Variants in HAVCR1 observed in about 807,000 individuals in gnomAD.
HAVCR1 encodes hepatitis A virus cellular receptor 1, also known as T cell immunoglobin domain and mucin domain protein 1.
In HAVCR1, 34 loss-of-function variants were observed where a neutral mutation model predicts 32.0. The ratio of observed to expected loss-of-function variants is 1.06; its 90% CI spans 0.81 to 1.42. The LOEUF is 1.42. HAVCR1 is among the 40% of genes most tolerant of loss of function. The pLI is 0.00. For missense variants in HAVCR1, 420 were observed against 442.3 expected (o/e 0.95, Z 0.45); for synonymous variants, 178 against 170.3 (o/e 1.05, Z -0.35).
At chr5:157,060,218 A>AAAT (rs200229739), upstream of HAVCR1, among the ~76,000 whole-genome samples, 1,819 of 150,794 alleles carry the variant, frequency 0.012, 63 homozygotes, top group East Asian at 0.13. Flanking sequence ...TCTCTCAGAA[A>AAAT]AATAATAATA....
chr5:157,054,822 C>T (rs1756014911), intron 3 of HAVCR1, among the ~76,000 whole-genome samples: 2 of 152,150 alleles, frequency 1.3e-5, no homozygotes, highest in African/African-American at 4.8e-5. Flanking sequence ...ACATTGTATT[C>T]GGTGTTATAA....
intron 8 of HAVCR1, among the ~76,000 whole-genome samples, chr5:157,030,316 C>T (rs1754097352): frequency 6.6e-6 from 1 of 152,140 alleles, no homozygotes; most frequent in African/African-American, 2.4e-5. Context: ...AACAGAGAAA[C>T]ATTGAATATA....
chr5:157,049,616 C>G (rs1052879616), intron 4 of HAVCR1, among the ~76,000 whole-genome samples: 1 of 152,210 alleles, frequency 6.6e-6, no homozygotes, highest in Non-Finnish European at 1.5e-5. Context: ...CAGCCCCATT[C>G]TGGGTTTCCT....
At position 157,035,794 on chromosome 5, in the gene HAVCR1, TA is replaced by T. The variant is rs199662466; in HGVS notation, c.952+1452del. Among the ~76,000 whole-genome samples the T allele has an allele frequency of 2.7e-5, 4 of 149,010 alleles. No individual in the cohort carries two copies. The South Asian group carries it at 6.4e-4, about 24-fold the overall frequency. On this transcript the variant is annotated intron_variant, in intron 7 of 8. Transcript: ENST00000523175. Reference sequence around the variant, plus strand: ...TTTCAACCACTCGCAAATTGAAAATTAAAAAAAAAATAAAAATAATACACAA... The same window carrying T: ...TTTCAACCACTCGCAAATTGAAAATTAAAAAAAAATAAAAATAATACACAA...
At chr5:157,051,601 G>T (rs1308735114) in intron 4 of HAVCR1, among the ~76,000 whole-genome samples, 2 of 151,974 alleles carry the variant, frequency 1.3e-5, no homozygotes, top group African/African-American at 2.4e-5. Flanking sequence ...TGCAATCATG[G>T]CTCACTGTAG....
chr5:157,049,328 A>G (rs545437110), intron 4 of HAVCR1, among the ~76,000 whole-genome samples, 183 bp from the exon 5 acceptor site: 1 of 152,336 alleles, frequency 6.6e-6, no homozygotes, highest in South Asian at 2.1e-4. Flanking sequence ...GGCTCCTCTT[A>G]GAAATGTATT....
chr5:157,033,705 C>T (rs1561579195), intron 7 of HAVCR1, among the ~76,000 whole-genome samples: 2 of 152,084 alleles, frequency 1.3e-5, no homozygotes, highest in Admixed American at 6.5e-5. Context: ...ATTCATCTCC[C>T]CTAAAAATCA....
At chr5:157,049,297 C>T (rs985596701) in intron 4 of HAVCR1, 152 bp from the exon 5 acceptor site, 8 of 639,176 alleles carry the variant, frequency 1.3e-5, no homozygotes, top group Admixed American at 2.6e-5. Flanking sequence ...GGGCTTCTAC[C>T]GACCCACTTC....
rs1334343322 is a variant in HAVCR1 at position 157,052,427 on chromosome 5, G to A, written c.607C>T (p.Pro203Ser). The change falls in exon 4 of 9, where the codon CCA becomes TCA. Residue 203 changes from proline to serine, a missense_variant. Pro to Ser is a moderately conservative substitution (Grantham distance 74). Coordinates refer to ENST00000523175, the MANE Select transcript of HAVCR1 (RefSeq NM_001173393.3). Reference sequence around the variant, plus strand: ...AAGGTAGAGACAGTTGTTGTCACTGGAACACTTGTTGTTGTTGGAATGCTC... The same window carrying A: ...AAGGTAGAGACAGTTGTTGTCACTGAAACACTTGTTGTTGTTGGAATGCTC... ...TTSIPTTTSVPVTTTVSTFVP... is the reference protein window; with the variant it reads ...TTSIPTTTSVSVTTTVSTFVP... 1.2e-6 allele frequency: 2 copies of A among 1,604,290 alleles called. No homozygotes were observed. The highest frequency in any genetic ancestry group is 1.7e-6 in the Non-Finnish European group (2 of 1,177,148).
the HAVCR1 span, among the ~76,000 whole-genome samples, chr5:157,068,497 G>A: frequency 1.3e-5 from 2 of 152,026 alleles, no homozygotes; most frequent in African/African-American, 2.4e-5. Context: ...TGGGGTGGGA[G>A]GATCGCTTGG....
In HAVCR1 at chr5:157,041,481, G is replaced by A. The variant is rs538951112; in HGVS notation, c.837+1146C>T. 8.6e-4 allele frequency among the ~76,000 whole-genome samples: 59 copies of A among 68,932 alleles called. No individual in the cohort carries two copies. In the East Asian group the frequency reaches 0.048, roughly 56 times the overall value. The allele number at this position is 68,932 out of a possible 152,430, so 45.2% of individuals were successfully genotyped here. On this transcript the variant is annotated intron_variant, in intron 6 of 8. Transcript: ENST00000523175. ...CCAGTGCACTCCAGCCTGGGTGACA[G>A]AACAAGACTGTCTCAAAAAATAAAA...
intron 8 of HAVCR1, among the ~76,000 whole-genome samples, chr5:157,030,517 G>A (rs931373477): frequency 2.0e-5 from 3 of 152,000 alleles, no homozygotes; most frequent in Non-Finnish European, 2.9e-5. Flanking sequence ...GCCAGGTGTG[G>A]TGGCTTGTGC....
At position 157,037,351 on chromosome 5, in the gene HAVCR1, A is replaced by C; in HGVS notation, c.848T>G (p.Leu283Arg). 2 of 1,458,988 alleles carry C rather than the reference A, an allele frequency of 1.4e-6. No individual in the cohort carries two copies. The highest frequency in any genetic ancestry group is 1.9e-6 in the Non-Finnish European group (2 of 1,040,548). The allele number at this position is 1,458,988 out of a possible 1,614,324, so 90.4% of individuals were successfully genotyped here. ...ATTGGCCGTCAGTAGACTATGTTCT[A>C]GGAACAGTTGCTGAGGAAACAACAA... Reference protein sequence around the residue: ...LWNNNQTQLFLEHSLLTANTT... With the variant: ...LWNNNQTQLFREHSLLTANTT... Residue 283 changes from leucine (L) to arginine (R), a missense_variant, in exon 7 of 9, where the codon CTA (leucine) becomes CGA (arginine). Leu to Arg is a moderately radical substitution (Grantham distance 102). Transcript: ENST00000523175.
At chr5:157,061,047 G>A (rs138531256), upstream of HAVCR1, among the ~76,000 whole-genome samples, 622 of 152,096 alleles carry the variant, frequency 4.1e-3, 4 homozygotes, top group African/African-American at 0.014. Flanking sequence ...ACAGACACGC[G>A]CCACCATGCC....
chr5:157,047,197 CAG>C (rs1480470740), intron 5 of HAVCR1, among the ~76,000 whole-genome samples: 4 of 152,084 alleles, frequency 2.6e-5, no homozygotes, highest in Admixed American at 2.0e-4. Flanking sequence ...AGACACTTCC[CAG>C]AGAGAGTCCT....
intron 5 of HAVCR1, among the ~76,000 whole-genome samples, chr5:157,048,002 C>T (rs1277058107): frequency 2.0e-5 from 3 of 152,174 alleles, no homozygotes; most frequent in East Asian, 1.9e-4. Context: ...AAACTCCACA[C>T]ATTCGGTCAC....
upstream of HAVCR1, among the ~76,000 whole-genome samples, chr5:157,060,739 A>C (rs192349255): frequency 6.6e-6 from 1 of 152,108 alleles, no homozygotes; most frequent in Non-Finnish European, 1.5e-5. Context: ...TAACTGTACA[A>C]TTCCATAGGA....
At chr5:157,038,190 C>A (rs561687392) in intron 6 of HAVCR1, among the ~76,000 whole-genome samples, 3 of 152,070 alleles carry the variant, frequency 2.0e-5, no homozygotes, top group African/African-American at 7.2e-5. Flanking sequence ...ACAGACATGG[C>A]CATGATTAAC....
chr5:157,029,945 C>T (rs1166760450), intron 8 of HAVCR1, 104 bp from the exon 9 acceptor site: 8 of 861,190 alleles, frequency 9.3e-6, no homozygotes, highest in South Asian at 5.1e-5. Context: ...ATCAGGTATT[C>T]GAGACTCCAG....
Sources: allele counts gnomAD v4.1 joint callset (sites outside exome capture counted in the v4.1 genomes callset), GRCh38; gene constraint gnomAD v4.1.1; transcripts MANE v1.5; gene names NCBI Gene and HGNC (gene_info 2026-07-23, HGNC 2026-07-21).